Variants in WIF1 observed in about 807,000 individuals in gnomAD.
WIF1 encodes Wnt inhibitory factor 1.
A neutral mutation model predicts 53.5 loss-of-function variants in WIF1; 35 were observed. The ratio of observed to expected loss-of-function variants is 0.65; its 90% CI spans 0.50 to 0.87. WIF1 has a LOEUF of 0.87. WIF1 is among the 40% of genes least tolerant of loss of function. The probability of loss-of-function intolerance (pLI) is 0.00; values close to 1 mark genes in which losing one functional copy is unlikely to be tolerated. For synonymous variants in WIF1, 171 were observed against 170.4 expected, an observed-to-expected ratio of 1.00 and a Z score of -0.03; for missense variants, 467 against 476.8, an observed-to-expected ratio of 0.98 and a Z score of 0.19.
intron 2 of WIF1, among the ~76,000 whole-genome samples, chr12:65,116,818 A>G (rs1490981844): frequency 1.3e-5 from 2 of 150,846 alleles, no homozygotes; most frequent in Non-Finnish European, 3.0e-5. Flanking sequence ...CTGTAATCCC[A>G]GCTACTCAGG....
intron 2 of WIF1, among the ~76,000 whole-genome samples, chr12:65,110,708 C>CTACTATGTGCCA (rs1196197548): frequency 6.6e-6 from 1 of 152,192 alleles, no homozygotes; most frequent in Non-Finnish European, 1.5e-5. Flanking sequence ...TTTCAGCTGC[C>CTACTATGTGCCA]TACTATGTGC....
chr12:65,068,681 G>A (rs1380565495), intron 4 of WIF1, 83 bp downstream of exon 4: 4 of 995,582 alleles, frequency 4.0e-6, no homozygotes, highest in South Asian at 1.6e-5. Context: ...GTGTGTGTGT[G>A]TGTGTATAGA....
rs1882430069 is a variant in WIF1 at position 65,050,916 on chromosome 12, A to G, written c.*433T>C. 1 of 225,842 alleles carries G rather than the reference A, an allele frequency of 4.4e-6. No individual in the cohort carries two copies. The highest frequency in any genetic ancestry group is 2.2e-5 in the African/African-American group (1 of 44,978). 14.0% of individuals were successfully genotyped at this position (225,842 alleles called of 1,614,324 possible). A position where few individuals can be genotyped will look rare whatever the true frequency, so the allele number is the denominator to read the frequency against. ...AGAGCAATTTTTAAAAATGTAACAA[A>G]CATCTAAATATCTGACAATAAAATC... On this transcript the variant is annotated 3_prime_UTR_variant, in exon 10 of 10. Transcript: ENST00000286574.
intron 2 of WIF1, among the ~76,000 whole-genome samples, chr12:65,099,886 G>A (rs1487819862): frequency 6.6e-6 from 1 of 152,026 alleles, no homozygotes; most frequent in East Asian, 1.9e-4. Flanking sequence ...TGATCTACTT[G>A]TTAATCCCAC....
At chr12:65,105,943 A>G (rs1302199496) in intron 2 of WIF1, among the ~76,000 whole-genome samples, 1 of 152,188 alleles carries the variant, frequency 6.6e-6, no homozygotes, top group Admixed American at 6.5e-5. Context: ...CAGGACACCA[A>G]GCTGTTCTGA....
intron 7 of WIF1, among the ~76,000 whole-genome samples, chr12:65,062,259 C>T (rs1239157978): frequency 6.6e-6 from 1 of 152,126 alleles, no homozygotes; most frequent in Non-Finnish European, 1.5e-5. Flanking sequence ...AGTCAGAGAG[C>T]ATTTCTTCTG....
At chr12:65,098,478 C>A (rs1883236274) in intron 2 of WIF1, among the ~76,000 whole-genome samples, 1 of 152,148 alleles carries the variant, frequency 6.6e-6, no homozygotes, top group African/African-American at 2.4e-5. Flanking sequence ...ACTGGCTCAG[C>A]ATGCTTTCCA....
At chr12:65,067,458 A>C (rs1882704305) in intron 5 of WIF1, among the ~76,000 whole-genome samples, 1 of 152,092 alleles carries the variant, frequency 6.6e-6, no homozygotes, top group South Asian at 2.1e-4. Flanking sequence ...GAGGAAAAAA[A>C]CCTCAAAATT....
chr12:65,058,457 T>C (rs1417572310), intron 7 of WIF1, among the ~76,000 whole-genome samples: 1 of 152,144 alleles, frequency 6.6e-6, no homozygotes, highest in Non-Finnish European at 1.5e-5. Flanking sequence ...TTTGTTTTCA[T>C]GGCAACAGGG....
chr12:65,071,111 A>G (rs1181435346), intron 3 of WIF1, among the ~76,000 whole-genome samples: 1 of 151,426 alleles, frequency 6.6e-6, no homozygotes, highest in Non-Finnish European at 1.5e-5. Flanking sequence ...GCATATATCC[A>G]TAATCCCAGC....
intron 2 of WIF1, among the ~76,000 whole-genome samples, chr12:65,102,441 C>T (rs1176103128): frequency 6.6e-6 from 1 of 152,162 alleles, no homozygotes; most frequent in East Asian, 1.9e-4. Flanking sequence ...GGAGGGGCAG[C>T]CTTTTTGTTC....
At chr12:65,076,882 T>C (rs1882868916) in intron 3 of WIF1, among the ~76,000 whole-genome samples, 1 of 149,372 alleles carries the variant, frequency 6.7e-6, no homozygotes, top group African/African-American at 2.5e-5. Context: ...ATGGTTATGT[T>C]AAAAGGTTAA....
At chr12:65,106,135 G>C (rs541934387) in intron 2 of WIF1, among the ~76,000 whole-genome samples, 3 of 152,180 alleles carry the variant, frequency 2.0e-5, no homozygotes, top group East Asian at 3.9e-4. Flanking sequence ...AGAATTAGCT[G>C]GTCTTTGCAA....
At chr12:65,110,309 T>G (rs1255999518) in intron 2 of WIF1, among the ~76,000 whole-genome samples, 2 of 140,696 alleles carry the variant, frequency 1.4e-5, no homozygotes, top group African/African-American at 5.2e-5. Flanking sequence ...CCCAGCCTCA[T>G]TAACATTTCC....
chr12:65,062,608 A>G (rs776943324), intron 6 of WIF1, 32 bp from the exon 7 acceptor site: 3 of 1,568,830 alleles, frequency 1.9e-6, no homozygotes, highest in Non-Finnish European at 2.6e-6. Context: ...GTGTTGCATT[A>G]GACAGTAGGT....
At chr12:65,114,176 A>T (rs200499705) in intron 2 of WIF1, among the ~76,000 whole-genome samples, 3 of 150,340 alleles carry the variant, frequency 2.0e-5, no homozygotes, top group Non-Finnish European at 4.4e-5. Flanking sequence ...TATTTTTTTT[A>T]TTTTTTTTTG....
chr12:65,120,445 A>G lies in WIF1; in HGVS notation c.260T>C (p.Met87Thr), dbSNP rs1279724149. Residue 87 changes from methionine (M) to threonine (T), a missense_variant, in exon 2 of 10, where the codon ATG (methionine) becomes ACG (threonine). Met to Thr is a moderately conservative substitution (Grantham distance 81). Transcript: ENST00000286574. ...CCCTGCAGCTTGCCAGGTAAAATTCATGGAATGGATATTGACAGGAATAGC... is the reference window on the plus strand; with the variant it reads ...CCCTGCAGCTTGCCAGGTAAAATTCGTGGAATGGATATTGACAGGAATAGC... ...MPAIPVNIHS[M>T]NFTWQAAGQA... is the part of the protein sequence containing the mutation. 8 of 1,613,402 alleles carry G rather than the reference A, an allele frequency of 5.0e-6. No individual in the cohort carries two copies. In the South Asian group the frequency reaches 8.8e-5, roughly 18 times the overall value.
intron 3 of WIF1, among the ~76,000 whole-genome samples, chr12:65,069,520 T>C (rs2136616567): frequency 6.6e-6 from 1 of 152,326 alleles, no homozygotes; most frequent in Admixed American, 6.5e-5. Flanking sequence ...GAAGTTAATA[T>C]TTTCTCAGGC....
At chr12:65,099,303 G>A (rs1412193485) in intron 2 of WIF1, among the ~76,000 whole-genome samples, 1 of 152,090 alleles carries the variant, frequency 6.6e-6, no homozygotes, top group Admixed American at 6.6e-5. Flanking sequence ...TGAGCCAATG[G>A]GAATGATTGA....
Sources: gnomAD v4.1 joint callset for allele counts (sites outside exome capture counted in the v4.1 genomes callset) on GRCh38, gnomAD v4.1.1 for gene constraint, MANE v1.5 for transcripts, NCBI Gene and HGNC (gene_info 2026-07-23, HGNC 2026-07-21) for gene names.